DAB1: variants seen among roughly 807,000 people sequenced by gnomAD.
DAB1 encodes disabled homolog 1.
In DAB1, 15 loss-of-function variants were observed where a neutral mutation model predicts 64.6. The observed-to-expected ratio is 0.23, with a 90% CI of 0.16 to 0.36. The LOEUF (loss-of-function observed/expected upper bound fraction) is 0.36, where lower values mean the gene tolerates loss of function less well. Ranked by LOEUF, DAB1 falls within the 10% of genes least tolerant of loss-of-function variation. DAB1 has a pLI of 1.00. For missense variants in DAB1, 596 were observed against 706.7 expected (o/e 0.84, Z 1.78); for synonymous variants, 235 against 251.9 (o/e 0.93, Z 0.64).
intron 5 of DAB1, among the ~76,000 whole-genome samples, chr1:57,953,424 C>A (rs1645319602): frequency 6.6e-6 from 1 of 152,156 alleles, no homozygotes. Flanking sequence ...GTAAGCCACA[C>A]CTGAATGCTA....
chr1:57,065,539 T>C (rs1650821303), intron 8 of DAB1, among the ~76,000 whole-genome samples: 1 of 152,186 alleles, frequency 6.6e-6, no homozygotes, highest in Admixed American at 6.5e-5. Context: ...GGTATTTTAT[T>C]ATCCTTGTAT....
At position 58,068,867 on chromosome 1, in the gene DAB1, A is replaced by G. The variant is rs888627318; in HGVS notation, n.387+81644T>C. Among the ~76,000 whole-genome samples the G allele has an allele frequency of 2.0e-5, 3 of 152,098 alleles. No individual in the cohort carries two copies. In the South Asian group the frequency reaches 6.2e-4, roughly 32 times the overall value. On this transcript the variant is annotated intron_variant and non_coding_transcript_variant, in intron 5 of 20. Coordinates refer to the DAB1 transcript ENST00000485760. ...AGTATGAGAATGAGTGGGAATGAAG[A>G]AAGGCAAACTGCACCTCTAATGTGT... is the stretch of plus-strand genomic sequence containing the variant.
chr1:57,722,881 C>T (rs3118025), intron 6 of DAB1, among the ~76,000 whole-genome samples: 5,805 of 152,214 alleles, frequency 0.038, 359 homozygotes, highest in African/African-American at 0.13. Context: ...ATCTGTCCCA[C>T]GCCCTAAATC....
rs563413858 is a variant in DAB1, at chr1:58,369,668, T to C, written n.258-26265A>G. 2.0e-5 allele frequency among the ~76,000 whole-genome samples: 3 copies of C among 152,348 alleles called. No individual in the cohort carries two copies. In the South Asian group the frequency reaches 6.2e-4, roughly 32 times the overall value. ...CTTCAAAATGACCTTGCTGGAGTAT[T>C]AGTATTTCTATTTTACAGACTAAGA... is the stretch of plus-strand genomic sequence containing the variant. On this transcript the variant is annotated intron_variant and non_coding_transcript_variant, in intron 3 of 20. Transcript: ENST00000485760.
At chr1:57,735,292 C>T (rs1277397345) in intron 6 of DAB1, among the ~76,000 whole-genome samples, 3 of 152,198 alleles carry the variant, frequency 2.0e-5, no homozygotes, top group Non-Finnish European at 2.9e-5. Flanking sequence ...GGACCCATCA[C>T]CTATCTGGAC....
chr1:57,476,186 A>G (rs1207600021), intron 7 of DAB1, among the ~76,000 whole-genome samples: 1 of 151,354 alleles, frequency 6.6e-6, no homozygotes, highest in Non-Finnish European at 1.5e-5. Flanking sequence ...AGGTCACGCC[A>G]CTGTACTCCA....
At chr1:57,496,430 A>G (rs1570573104) in intron 7 of DAB1, among the ~76,000 whole-genome samples, 1 of 152,170 alleles carries the variant, frequency 6.6e-6, no homozygotes, top group East Asian at 1.9e-4. Flanking sequence ...CACACACAGA[A>G]CCTTCAATGG....
At chr1:57,225,697 C>A (rs1667212223) in intron 2 of DAB1, among the ~76,000 whole-genome samples, 1 of 152,130 alleles carries the variant, frequency 6.6e-6, no homozygotes, top group Admixed American at 6.6e-5. Context: ...GAGATACATT[C>A]CTAAAAAGCA....
At chr1:57,354,403 T>A (rs1038644239) in intron 1 of DAB1, among the ~76,000 whole-genome samples, 15 of 152,120 alleles carry the variant, frequency 9.9e-5, no homozygotes, top group Non-Finnish European at 1.9e-4. Context: ...TTTCTTTTTG[T>A]GATTCAATTT....
chr1:58,384,225 C>A (rs1644414149), intron 3 of DAB1, among the ~76,000 whole-genome samples: 1 of 151,964 alleles, frequency 6.6e-6, no homozygotes, highest in Non-Finnish European at 1.5e-5. Flanking sequence ...GAAAATCCTA[C>A]CATTTGCTAC....
At chr1:57,120,303 A>C (rs1351650817) in intron 4 of DAB1, among the ~76,000 whole-genome samples, 1 of 152,168 alleles carries the variant, frequency 6.6e-6, no homozygotes, top group Non-Finnish European at 1.5e-5. Context: ...ATTCAACGTA[A>C]CTGTTGTAAG....
chr1:58,515,805 T>C (rs1646149917), intron 2 of DAB1, among the ~76,000 whole-genome samples: 1 of 152,216 alleles, frequency 6.6e-6, no homozygotes, highest in South Asian at 2.1e-4. Flanking sequence ...ATAAATCACT[T>C]TACATCTTTA....
intron 2 of DAB1, among the ~76,000 whole-genome samples, chr1:57,150,406 C>A (rs539062934): frequency 6.6e-6 from 1 of 152,158 alleles, no homozygotes; most frequent in East Asian, 1.9e-4. Flanking sequence ...GTGTGGTTAC[C>A]CTAATTAATT....
At chr1:57,410,017 C>T (rs1370923052) in intron 1 of DAB1, among the ~76,000 whole-genome samples, 1 of 152,176 alleles carries the variant, frequency 6.6e-6, no homozygotes, top group Non-Finnish European at 1.5e-5. Flanking sequence ...TAAAATCGCA[C>T]TACAAACCTT....
At chr1:58,499,956 T>TA (rs1228632128) in intron 3 of DAB1, among the ~76,000 whole-genome samples, 1 of 151,920 alleles carries the variant, frequency 6.6e-6, no homozygotes, top group East Asian at 1.9e-4. Context: ...AAAGTAAGTT[T>TA]AAAAAAAGAA....
intron 3 of DAB1, among the ~76,000 whole-genome samples, chr1:58,490,503 G>C (rs1013498644): frequency 1.3e-5 from 2 of 152,208 alleles, no homozygotes; most frequent in African/African-American, 4.8e-5. Context: ...ATGGAACCAA[G>C]TTGGAAAACA....
chr1:57,509,953 C>A (rs773265116), intron 7 of DAB1, among the ~76,000 whole-genome samples: 4 of 152,232 alleles, frequency 2.6e-5, no homozygotes, highest in Admixed American at 1.3e-4. Flanking sequence ...TAATAATTTG[C>A]TCTTATTATT....
chr1:58,379,744 T>C (rs1006804283), intron 3 of DAB1, among the ~76,000 whole-genome samples: 3 of 152,178 alleles, frequency 2.0e-5, no homozygotes, highest in Non-Finnish European at 2.9e-5. Flanking sequence ...CAAATAAACA[T>C]ATATAAAGTC....
At chr1:58,539,346 A>C in intron 1 of DAB1, 1 of 758,500 alleles carries the variant, frequency 1.3e-6, no homozygotes, top group East Asian at 2.5e-5. Flanking sequence ...ATCTGTGGAA[A>C]ATATTTACTT....
Sources: gnomAD v4.1 joint callset for allele counts (sites outside exome capture counted in the v4.1 genomes callset) on GRCh38, gnomAD v4.1.1 for gene constraint, MANE v1.5 for transcripts, NCBI Gene and HGNC (gene_info 2026-07-23, HGNC 2026-07-21) for gene names.